Variants in CLDN11 observed in about 807,000 individuals in gnomAD.
CLDN11 encodes the protein claudin 11, also known as claudin-11.
In CLDN11, 1 loss-of-function variant was observed where a neutral mutation model predicts 18.0. The observed-to-expected ratio is 0.06, with a 90% CI of 0.02 to 0.26. The LOEUF (loss-of-function observed/expected upper bound fraction) is 0.26. Among genes scored for constraint, CLDN11 ranks in the 10% least tolerant of loss-of-function variants. The pLI is 1.00. For missense variants in CLDN11, 172 were observed against 276.6 expected (o/e 0.62, Z 2.68); for synonymous variants, 116 against 121.5 (o/e 0.96, Z 0.30).
chr3:170,423,402 C>CTCAAGT (rs1738768731), intron 2 of CLDN11, 75 bp downstream of exon 2: 1 of 1,529,770 alleles, frequency 6.5e-7, no homozygotes, highest in Non-Finnish European at 9.0e-7. Context: ...TTGCTGCCTT[C>CTCAAGT]TCAAGTTCAA....
chr3:170,424,430 G>A (rs1450622682), intron 2 of CLDN11, among the ~76,000 whole-genome samples: 1 of 152,166 alleles, frequency 6.6e-6, no homozygotes, highest in African/African-American at 2.4e-5. Context: ...ACAGGAAATG[G>A]CATGTGCTCA....
intron 2 of CLDN11, among the ~76,000 whole-genome samples, chr3:170,430,451 T>A (rs1441892013): frequency 6.6e-6 from 1 of 152,192 alleles, no homozygotes; most frequent in Non-Finnish European, 1.5e-5. Flanking sequence ...GTATCTCATA[T>A]GAAAATATTA....
At chr3:170,424,257 T>C (rs1279084411) in intron 2 of CLDN11, among the ~76,000 whole-genome samples, 1 of 152,090 alleles carries the variant, frequency 6.6e-6, no homozygotes, top group East Asian at 1.9e-4. Flanking sequence ...CAATAGAATA[T>C]GGTATGTGCT....
At position 170,419,948 on chromosome 3, in the gene CLDN11, G is replaced by A. The variant is rs1334374621; in HGVS notation, c.226+656G>A. On this transcript the variant is annotated intron_variant, in intron 1 of 2. Coordinates refer to ENST00000064724, the MANE Select transcript of CLDN11 (RefSeq NM_005602.6). The surrounding 1 kb of genome is among the most constrained non-coding windows in gnomAD (Gnocchi z 8.6). The stretch of plus-strand genomic sequence containing the variant: ...CCCCGCTACCCCCGCCCCTGCTGTG[G>A]GCGCGTCAGACTGCGGGGCTGCGGT... 6.6e-6 allele frequency among the ~76,000 whole-genome samples: 1 copy of A among 152,256 alleles called. No individual in the cohort carries two copies. The highest frequency in any genetic ancestry group is 1.9e-4 in the East Asian group (1 of 5,194).
rs1462779190 is a variant in CLDN11, at chr3:170,419,255, C to T, written c.189C>T (p.Tyr63=). 6.4e-7 allele frequency: 1 copy of T among 1,572,290 alleles called. No individual in the cohort carries two copies. Among genetic ancestry groups the T allele is most frequent in the South Asian group, 1.2e-5 (1 of 85,308 alleles). The part of the protein sequence containing the change: ...WADCVMATGL[Y]HCKPLVDILI... ...ACTGCGTCATGGCCACGGGGCTGTA[C>T]CACTGCAAGCCCCTGGTGGACATCC... Residue 63 remains tyrosine, a synonymous_variant, in exon 1 of 3, where the codon TAC becomes TAT. Coordinates refer to ENST00000064724, the MANE Select transcript of CLDN11 (RefSeq NM_005602.6). The surrounding 1 kb of genome is among the most constrained non-coding windows in gnomAD (Gnocchi z 8.6).
intron 2 of CLDN11, among the ~76,000 whole-genome samples, chr3:170,430,087 A>G (rs6444928): frequency 0.79 from 120,224 of 152,236 alleles, 47,957 homozygotes; most frequent in East Asian, 0.99. Context: ...TTTTTTGCCC[A>G]CAGCAGAACG....
Position 170,432,892 on chromosome 3 carries a change from A to G in CLDN11, c.*136A>G, listed in dbSNP as rs1739037883. The G allele has an allele frequency of 1.3e-6, 1 of 769,604 alleles. No homozygotes were observed. The highest frequency in any genetic ancestry group is 2.6e-5 in the Admixed American group (1 of 38,210). The allele number at this position is 769,604 out of a possible 1,614,324, so 47.7% of individuals were successfully genotyped here. On this transcript the variant is annotated 3_prime_UTR_variant, in exon 3 of 3. Transcript: ENST00000064724. ...GGTCTAGAAAAGCATCCTGTCTGGC[A>G]TTTTGTAGTCTTAACTTCTCCCCAT... is the stretch of plus-strand genomic sequence containing the variant.
chr3:170,422,128 CA>C (rs376415355), intron 1 of CLDN11, among the ~76,000 whole-genome samples: 348 of 152,252 alleles, frequency 2.3e-3, no homozygotes, highest in African/African-American at 7.8e-3. Context: ...ATGAGGACAG[CA>C]GCCTCTGGGG....
chr3:170,423,117 GA>G (rs1191283443), intron 1 of CLDN11, 45 bp from the exon 2 acceptor site: 1 of 1,607,710 alleles, frequency 6.2e-7, no homozygotes, highest in Non-Finnish European at 8.5e-7. Flanking sequence ...CAGGAAGCAA[GA>G]GAACCCTGTG....
chr3:170,429,117 T>C (rs1186385752), intron 2 of CLDN11, among the ~76,000 whole-genome samples: 2 of 152,256 alleles, frequency 1.3e-5, no homozygotes, highest in African/African-American at 2.4e-5. Flanking sequence ...TCTCTTTCTC[T>C]CTTGAAACCA....
intron 2 of CLDN11, among the ~76,000 whole-genome samples, chr3:170,426,787 A>C (rs1359255746): frequency 6.6e-6 from 1 of 151,938 alleles, no homozygotes; most frequent in East Asian, 1.9e-4. Context: ...CCTTCTTTTT[A>C]TTTTTATTTT....
chr3:170,421,210 G>A (rs1325961937), intron 1 of CLDN11: 13 of 874,814 alleles, frequency 1.5e-5, no homozygotes, highest in Non-Finnish European at 1.6e-5. Flanking sequence ...CTCATACTTT[G>A]GGTGGAGGCA....
intron 2 of CLDN11, among the ~76,000 whole-genome samples, chr3:170,428,711 T>C (rs762485568): frequency 1.3e-5 from 2 of 152,248 alleles, no homozygotes; most frequent in Non-Finnish European, 2.9e-5. Context: ...CACCACCTTG[T>C]GTAGTTAGCT....
At chr3:170,432,203 T>C (rs1032509889) in intron 2 of CLDN11, among the ~76,000 whole-genome samples, 2 of 152,252 alleles carry the variant, frequency 1.3e-5, no homozygotes, top group Admixed American at 6.5e-5. Context: ...TTTAGAATTA[T>C]AACTGTAGAT....
rs918667992 is a variant in CLDN11 at position 170,434,463 on chromosome 3, C to T, written c.*1707C>T. On this transcript the variant is annotated 3_prime_UTR_variant, in exon 3 of 3. Transcript: ENST00000064724. ...TGGCTAGGTATAAAAAGAGAATTAA[C>T]GAAACCTATTTTATTGGATCTTTAA... is the stretch of plus-strand genomic sequence containing the variant. Among the ~76,000 whole-genome samples, 5 of 152,178 alleles carry T rather than the reference C, an allele frequency of 3.3e-5. No individual in the cohort carries two copies. Among genetic ancestry groups the T allele is most frequent in the Non-Finnish European group, 5.9e-5 (4 of 68,024 alleles).
chr3:170,422,005 AC>A (rs745755019), intron 1 of CLDN11, among the ~76,000 whole-genome samples: 104 of 152,214 alleles, frequency 6.8e-4, no homozygotes, highest in Middle Eastern at 6.8e-3. Flanking sequence ...CCCTCCAGGA[AC>A]CCTGAGGGCT....
chr3:170,421,797 A>G (rs1003954663), intron 1 of CLDN11, among the ~76,000 whole-genome samples: 1 of 152,256 alleles, frequency 6.6e-6, no homozygotes, highest in Non-Finnish European at 1.5e-5. Context: ...TGTCAGATTT[A>G]TTCTAAATAA....
At chr3:170,431,831 G>T (rs140378849) in intron 2 of CLDN11, among the ~76,000 whole-genome samples, 4 of 152,160 alleles carry the variant, frequency 2.6e-5, no homozygotes, top group African/African-American at 9.7e-5. Flanking sequence ...TTTGTGTGTT[G>T]GGATTTTGTG....
rs147186361 is a variant in CLDN11, at chr3:170,419,533, C to G, written c.226+241C>G. 4.1e-3 allele frequency among the ~76,000 whole-genome samples: 622 copies of G among 152,288 alleles called. 1 individual carries two copies. Among genetic ancestry groups the G allele is most frequent in the Middle Eastern group, 0.024 (7 of 294 alleles). ...CAATGTGGCCGGTGGTAACACTGGC[C>G]GGGTCCCTTTGAGAATGAACAAACC... On this transcript the variant is annotated intron_variant, in intron 1 of 2. Coordinates refer to ENST00000064724, the MANE Select transcript of CLDN11 (RefSeq NM_005602.6). The surrounding 1 kb of genome is among the most constrained non-coding windows in gnomAD (Gnocchi z 8.6).
Sources: allele counts gnomAD v4.1 joint callset (sites outside exome capture counted in the v4.1 genomes callset), GRCh38; gene constraint gnomAD v4.1.1; non-coding constraint Gnocchi (gnomAD v3.1); transcripts MANE v1.5; gene names NCBI Gene and HGNC (gene_info 2026-07-23, HGNC 2026-07-21).